Variants in TAFA2 observed in about 807,000 individuals in gnomAD.
TAFA2 encodes the protein TAFA chemokine like family member 2, also known as chemokine-like protein TAFA-2.
TAFA2 carries 7 observed loss-of-function variants against 18.8 expected under a neutral mutation model. That is an observed-to-expected ratio of 0.37 (90% CI 0.21 to 0.70). TAFA2 has a LOEUF of 0.70. Among genes scored for constraint, TAFA2 ranks in the 30% least tolerant of loss-of-function variants. The pLI is 0.53. For missense variants in TAFA2, 122 were observed against 158.1 expected, an observed-to-expected ratio of 0.77 and a Z score of 1.23; for synonymous variants, 60 against 54.2, an observed-to-expected ratio of 1.11 and a Z score of -0.47.
At chr12:61,902,638 T>C (rs987910153) in intron 1 of TAFA2, among the ~76,000 whole-genome samples, 1 of 152,162 alleles carries the variant, frequency 6.6e-6, no homozygotes, top group Non-Finnish European at 1.5e-5. Flanking sequence ...GTTAGAGCCT[T>C]CTCTGTTTAC....
intron 1 of TAFA2, among the ~76,000 whole-genome samples, chr12:61,912,615 CCAGA>C (rs1402071771): frequency 6.6e-6 from 1 of 151,992 alleles, no homozygotes; most frequent in Non-Finnish European, 1.5e-5. Flanking sequence ...AACCAAATGC[CCAGA>C]CATTGTTGCT....
At chr12:62,026,193 C>T (rs1202358889) in intron 1 of TAFA2, among the ~76,000 whole-genome samples, 1 of 152,134 alleles carries the variant, frequency 6.6e-6, no homozygotes, top group Admixed American at 6.5e-5. Context: ...CTCTGATACA[C>T]TAATGTTGAA....
intron 1 of TAFA2, among the ~76,000 whole-genome samples, chr12:62,125,462 C>T (rs758898252): frequency 5.9e-5 from 9 of 152,152 alleles, no homozygotes; most frequent in Admixed American, 1.3e-4. Context: ...GACGAAGACA[C>T]TCATCTTACC....
At position 61,710,028 on chromosome 12, in the gene TAFA2, T is replaced by G. The variant is rs1869319607; in HGVS notation, c.*378A>C. The stretch of plus-strand genomic sequence containing the variant: ...GAACACATCCAGGACAGAAGGACAG[T>G]GCACTTGGGATACAGCTTGCAGAAA... On this transcript the variant is annotated 3_prime_UTR_variant, in exon 5 of 5. Transcript: ENST00000416284. 1 of 219,226 alleles carries G rather than the reference T, an allele frequency of 4.6e-6. No individual in the cohort carries two copies. The highest frequency in any genetic ancestry group is 2.3e-5 in the African/African-American group (1 of 43,266). The allele number at this position is 219,226 out of a possible 1,614,324, so 13.6% of individuals were successfully genotyped here. A position where few individuals can be genotyped will look rare whatever the true frequency, so the allele number is the denominator to read the frequency against.
chr12:61,899,877 T>C (rs1876021869), intron 1 of TAFA2, among the ~76,000 whole-genome samples: 1 of 152,182 alleles, frequency 6.6e-6, no homozygotes, highest in South Asian at 2.1e-4. Context: ...CTAGAGATGA[T>C]TTATAGTACA....
chr12:62,139,726 G>T (rs1298884034), intron 1 of TAFA2, among the ~76,000 whole-genome samples: 1 of 152,112 alleles, frequency 6.6e-6, no homozygotes, highest in Non-Finnish European at 1.5e-5. Context: ...CAACACTTTG[G>T]GGAGAGGCTT....
At chr12:62,088,410 A>G (rs1291417628) in intron 1 of TAFA2, among the ~76,000 whole-genome samples, 1 of 152,066 alleles carries the variant, frequency 6.6e-6, no homozygotes. Context: ...AGGAGACAGC[A>G]GCACGTACAG....
chr12:62,020,127 T>C (rs568387361), intron 1 of TAFA2, among the ~76,000 whole-genome samples: 1 of 152,350 alleles, frequency 6.6e-6, no homozygotes, highest in African/African-American at 2.4e-5. Flanking sequence ...AAATGTTTCA[T>C]TTTATTAAGT....
At chr12:61,884,426 G>A (rs573028280) in intron 1 of TAFA2, among the ~76,000 whole-genome samples, 7 of 152,240 alleles carry the variant, frequency 4.6e-5, no homozygotes, top group Admixed American at 2.0e-4. Flanking sequence ...TAGCTCATAT[G>A]ACACCACTAC....
At chr12:62,257,116 G>A (rs907404089) in intron 1 of TAFA2, among the ~76,000 whole-genome samples, 7 of 98,384 alleles carry the variant, frequency 7.1e-5, no homozygotes, top group African/African-American at 3.0e-4. Context: ...GGGATGTGCT[G>A]ATTCTGTGTG....
intron 1 of TAFA2, among the ~76,000 whole-genome samples, chr12:62,145,403 T>C (rs1387834922): frequency 1.3e-5 from 2 of 152,220 alleles, no homozygotes; most frequent in Non-Finnish European, 2.9e-5. Context: ...ATCTAACTAA[T>C]GCCTGATGAT....
intron 1 of TAFA2, among the ~76,000 whole-genome samples, chr12:61,911,041 A>T (rs1033707674): frequency 5.3e-5 from 8 of 152,190 alleles, no homozygotes; most frequent in Non-Finnish European, 1.2e-4. Context: ...ACAGATGTTC[A>T]CGAAGGTTGT....
At chr12:61,879,932 T>A in intron 1 of TAFA2, 1 of 897,318 alleles carries the variant, frequency 1.1e-6, no homozygotes, top group Non-Finnish European at 1.9e-6. Context: ...GGATGAAGCT[T>A]ACAAGAACAA....
chr12:62,000,574 C>T (rs911223576), intron 1 of TAFA2, among the ~76,000 whole-genome samples: 1 of 146,406 alleles, frequency 6.8e-6, no homozygotes, highest in African/African-American at 2.5e-5. Flanking sequence ...TACAGCAATA[C>T]TACAGTGATA....
At chr12:61,995,656 A>T (rs11831039) in intron 1 of TAFA2, among the ~76,000 whole-genome samples, 27,213 of 152,116 alleles carry the variant, frequency 0.18, 2,675 homozygotes, top group Non-Finnish European at 0.23. Context: ...TTAAGGGTAC[A>T]TTTGATTACA....
At chr12:62,008,913 T>C (rs1156590597) in intron 1 of TAFA2, among the ~76,000 whole-genome samples, 3 of 152,212 alleles carry the variant, frequency 2.0e-5, no homozygotes, top group African/African-American at 4.8e-5. Flanking sequence ...CAGAAATTGA[T>C]AGAAAGAGGA....
At chr12:61,752,206 A>G (rs909902400) in intron 4 of TAFA2, among the ~76,000 whole-genome samples, 5 of 151,986 alleles carry the variant, frequency 3.3e-5, no homozygotes, top group Non-Finnish European at 7.4e-5. Context: ...AAGTGAGCTA[A>G]CTCATGTAAA....
At chr12:61,937,053 T>C (rs1381220986) in intron 1 of TAFA2, among the ~76,000 whole-genome samples, 1 of 152,104 alleles carries the variant, frequency 6.6e-6, no homozygotes, top group Non-Finnish European at 1.5e-5. Context: ...TCAATCCTTT[T>C]TACCATAGCT....
chr12:62,184,032 T>C (rs2062568364), intron 1 of TAFA2, among the ~76,000 whole-genome samples: 1 of 152,178 alleles, frequency 6.6e-6, no homozygotes, highest in African/African-American at 2.4e-5. Flanking sequence ...TCTGATTCAA[T>C]TTTATGTCCC....
Sources: gnomAD v4.1 joint callset for allele counts (sites outside exome capture counted in the v4.1 genomes callset) on GRCh38, gnomAD v4.1.1 for gene constraint, MANE v1.5 for transcripts, NCBI Gene and HGNC (gene_info 2026-07-23, HGNC 2026-07-21) for gene names.